Variants in MAP2K5 observed in about 807,000 individuals in gnomAD.
MAP2K5 encodes the protein mitogen-activated protein kinase kinase 5, also known as dual specificity mitogen-activated protein kinase kinase 5.
Under a neutral mutation model 83.1 loss-of-function variants are expected in MAP2K5, and 49 were observed. That is an observed-to-expected ratio of 0.59 (90% CI 0.47 to 0.75). MAP2K5 has a LOEUF of 0.75. Ranked by LOEUF, MAP2K5 falls within the 30% of genes least tolerant of loss-of-function variation. The pLI is 0.00. For synonymous variants in MAP2K5, 202 were observed against 191.8 expected, an observed-to-expected ratio of 1.05 and a Z score of -0.44; for missense variants, 457 against 557.5, an observed-to-expected ratio of 0.82 and a Z score of 1.82.
At position 67,600,718 on chromosome 15, in the gene MAP2K5, C is replaced by G. The variant is rs2085640907; in HGVS notation, c.514C>G (p.Leu172Val). ...ACAAGACATACGATATCGGGACACT[C>G]TTGGTCATGGCAACGGAGGCACAGT... is the stretch of plus-strand genomic sequence containing the variant. ...NEQDIRYRDT[L>V]GHGNGGTVYK... The change falls in exon 8 of 22, where the codon CTT (leucine) becomes GTT (valine). Residue 172 changes from leucine to valine, a missense_variant. Physicochemically the swap from Leu to Val is conservative, Grantham distance 32. Coordinates refer to ENST00000178640, the MANE Select transcript of MAP2K5 (RefSeq NM_145160.3). The G allele has an allele frequency of 1.2e-6, 2 of 1,608,924 alleles. No homozygotes were observed. The highest frequency in any genetic ancestry group is 1.7e-6 in the Non-Finnish European group (2 of 1,178,596).
chr15:67,701,620 G>A (rs775347831), intron 15 of MAP2K5, among the ~76,000 whole-genome samples: 2 of 152,196 alleles, frequency 1.3e-5, no homozygotes, highest in Non-Finnish European at 1.5e-5. Flanking sequence ...AAAGGTCATT[G>A]TCTCTCCAGG....
intron 12 of MAP2K5, 109 bp downstream of exon 12, chr15:67,658,723 C>A: frequency 2.2e-6 from 2 of 906,552 alleles, no homozygotes; most frequent in Non-Finnish European, 3.6e-6. Flanking sequence ...TCCCAGTTGG[C>A]TCCTAAGACC....
At chr15:67,718,471 A>AT (rs1357621087) in intron 16 of MAP2K5, among the ~76,000 whole-genome samples, 2 of 152,128 alleles carry the variant, frequency 1.3e-5, no homozygotes, top group African/African-American at 2.4e-5. Context: ...TTTTTAAAAA[A>AT]TTTTTATGGG....
chr15:67,553,709 C>G (rs749711669), intron 2 of MAP2K5, among the ~76,000 whole-genome samples: 2 of 151,412 alleles, frequency 1.3e-5, no homozygotes, highest in African/African-American at 4.9e-5. Flanking sequence ...GTCAGGAGAT[C>G]GAGACCATCC....
At chr15:67,704,209 A>G (rs2088495051) in intron 16 of MAP2K5, among the ~76,000 whole-genome samples, 1 of 152,210 alleles carries the variant, frequency 6.6e-6, no homozygotes, top group African/African-American at 2.4e-5. Context: ...CCAGTGCTTC[A>G]AAAATTCTCA....
chr15:67,595,285 T>C (rs888744992), intron 7 of MAP2K5, among the ~76,000 whole-genome samples: 1 of 152,230 alleles, frequency 6.6e-6, no homozygotes, highest in Admixed American at 6.5e-5. Context: ...AGCATTGATA[T>C]AGTGTCAACA....
At chr15:67,700,031 G>A (rs1052687728) in intron 15 of MAP2K5, among the ~76,000 whole-genome samples, 3 of 151,016 alleles carry the variant, frequency 2.0e-5, no homozygotes, top group African/African-American at 7.3e-5. Context: ...ACACTAGCCT[G>A]AAGTTTTCTT....
At chr15:67,599,584 A>G (rs984410000) in intron 7 of MAP2K5, among the ~76,000 whole-genome samples, 2 of 152,190 alleles carry the variant, frequency 1.3e-5, no homozygotes, top group Non-Finnish European at 2.9e-5. Flanking sequence ...AAGCTTTGCT[A>G]TACTGGTCTG....
intron 3 of MAP2K5, among the ~76,000 whole-genome samples, chr15:67,579,409 T>G (rs1402313588): frequency 1.3e-5 from 2 of 152,234 alleles, no homozygotes; most frequent in Admixed American, 1.3e-4. Context: ...TGTATTTCTG[T>G]GGTTTTAAGG....
rs2084809729 is a variant in MAP2K5, at chr15:67,565,025, CT to C, written c.252+1676del. On this transcript the variant is annotated intron_variant, in intron 3 of 21. Transcript: ENST00000178640. The surrounding 1 kb of genome is among the most constrained non-coding windows in gnomAD (Gnocchi z 4.1). The stretch of plus-strand genomic sequence containing the variant: ...AATTTTTTTAGTTTTAATAATCACT[CT>C]GTAAGACAGATATTATCATCCTTAT... Among the ~76,000 whole-genome samples the C allele has an allele frequency of 6.6e-6, 1 of 152,142 alleles. No homozygotes were observed. The highest frequency in any genetic ancestry group is 2.1e-4 in the South Asian group (1 of 4,820).
rs2090197381 is a variant in MAP2K5, at chr15:67,774,205, G to GAA, written c.1242+1454_1242+1455insAA. Reference sequence around the variant, plus strand: ...TGTGTGTGTGTGTGTGTGTGTGTGAGAGAACATAGGTATTTAGATATATCT... The same window carrying GAA: ...TGTGTGTGTGTGTGTGTGTGTGTGAGAAAGAACATAGGTATTTAGATATATCT... On this transcript the variant is annotated intron_variant, in intron 21 of 21. Transcript: ENST00000178640. This position sits in a 1 kb window ranked among gnomAD's most constrained non-coding sequence, Gnocchi z 4.9. Among the ~76,000 whole-genome samples the GAA allele has an allele frequency of 7.5e-6, 1 of 133,022 alleles. No individual in the cohort carries two copies. Among genetic ancestry groups the GAA allele is most frequent in the South Asian group, 2.5e-4 (1 of 4,014 alleles). The allele number at this position is 133,022 out of a possible 152,430, so 87.3% of individuals were successfully genotyped here.
intron 15 of MAP2K5, among the ~76,000 whole-genome samples, chr15:67,695,056 C>T (rs1215193997): frequency 2.8e-5 from 4 of 145,128 alleles, no homozygotes; most frequent in Non-Finnish European, 5.9e-5. Context: ...GGGAATTGAA[C>T]AATGAGAACA....
chr15:67,591,344 CA>C (rs1034766907), intron 6 of MAP2K5, among the ~76,000 whole-genome samples: 150 of 131,964 alleles, frequency 1.1e-3, no homozygotes, highest in Middle Eastern at 3.8e-3. Context: ...GACTCTGTCT[CA>C]AAAAAAAAAA....
At chr15:67,752,434 C>G (rs1232762159) in intron 19 of MAP2K5, among the ~76,000 whole-genome samples, 1 of 151,738 alleles carries the variant, frequency 6.6e-6, no homozygotes, top group African/African-American at 2.4e-5. Context: ...AATTCCAGCA[C>G]TTTGGGAGGC....
At position 67,755,353 on chromosome 15, in the gene MAP2K5, T is replaced by C. The variant is rs994192643; in HGVS notation, c.1134+6752T>C. On this transcript the variant is annotated intron_variant, in intron 19 of 21. Transcript: ENST00000178640. This position sits in a 1 kb window ranked among gnomAD's most constrained non-coding sequence, Gnocchi z 4.7. The stretch of plus-strand genomic sequence containing the variant: ...TTCTCCTCCCTTTCCCAGTCCTCCA[T>C]TTTCTCATCCCCCTTTGTTCAGTGT... Among the ~76,000 whole-genome samples, 9 of 152,168 alleles carry C rather than the reference T, an allele frequency of 5.9e-5. No homozygotes were observed. Among genetic ancestry groups the C allele is most frequent in the Admixed American group, 5.9e-4 (9 of 15,270 alleles).
chr15:67,735,101 C>T (rs185966417), intron 17 of MAP2K5, among the ~76,000 whole-genome samples: 209 of 152,308 alleles, frequency 1.4e-3, no homozygotes, highest in African/African-American at 4.9e-3. Context: ...TACACATTTG[C>T]TTCTTCCTAG....
rs553509857 is a variant in MAP2K5, at chr15:67,719,322, A to G, written c.1045-8594A>G. ...ACCATGTTCATTAAGGTACTGTGGCATAGAAACAAGCAAACCAGGCACCTC... is the reference window on the plus strand; with the variant it reads ...ACCATGTTCATTAAGGTACTGTGGCGTAGAAACAAGCAAACCAGGCACCTC... On this transcript the variant is annotated intron_variant, in intron 16 of 21. Coordinates refer to ENST00000178640, the MANE Select transcript of MAP2K5 (RefSeq NM_145160.3). The surrounding 1 kb of genome is among the most constrained non-coding windows in gnomAD (Gnocchi z 4.6). Among the ~76,000 whole-genome samples, 1 of 152,300 alleles carries G rather than the reference A, an allele frequency of 6.6e-6. No homozygotes were observed. The highest frequency in any genetic ancestry group is 1.9e-4 in the East Asian group (1 of 5,184).
rs1006865157 is a variant in MAP2K5 at position 67,802,467 on chromosome 15, G to A, written c.1243-4179G>A. Among the ~76,000 whole-genome samples, 1 of 152,128 alleles carries A rather than the reference G, an allele frequency of 6.6e-6. No individual in the cohort carries two copies. Among genetic ancestry groups the A allele is most frequent in the African/African-American group, 2.4e-5 (1 of 41,418 alleles). ...GCAGCCCTGTTCTTTTCCCTTCATT[G>A]TGTCTCCAACTTCTGTGGCAAAGTC... On this transcript the variant is annotated intron_variant, in intron 21 of 21. Transcript: ENST00000178640. This position sits in a 1 kb window ranked among gnomAD's most constrained non-coding sequence, Gnocchi z 5.0.
In MAP2K5 at chr15:67,806,630, C is replaced by T. The variant is rs959999593; in HGVS notation, c.1243-16C>T. 1.5e-5 allele frequency: 23 copies of T among 1,547,420 alleles called. No homozygotes were observed. The African/African-American group carries it at 2.2e-4, about 15-fold the overall frequency. On this transcript the variant is annotated splice_polypyrimidine_tract_variant and intron_variant, in intron 21 of 21. Coordinates refer to ENST00000178640, the MANE Select transcript of MAP2K5 (RefSeq NM_145160.3). ...TCCGAGGACTGCCTGTCACAGCCTC[C>T]TCCTCTTCCCCGCAGGGCCACCCGT...
Sources: allele counts gnomAD v4.1 joint callset (sites outside exome capture counted in the v4.1 genomes callset), GRCh38; gene constraint gnomAD v4.1.1; non-coding constraint Gnocchi (gnomAD v3.1); transcripts MANE v1.5; gene names NCBI Gene and HGNC (gene_info 2026-07-23, HGNC 2026-07-21).